ARNT2: variants seen among roughly 807,000 people sequenced by gnomAD.
The protein encoded by ARNT2 is ARNT protein 2.
A neutral mutation model predicts 91.7 loss-of-function variants in ARNT2; 36 were observed. That is an observed-to-expected ratio of 0.39 (90% confidence interval 0.30 to 0.52). ARNT2 has a LOEUF of 0.52. Ranked by LOEUF, ARNT2 falls within the 20% of genes least tolerant of loss-of-function variation. ARNT2 has a pLI of 0.72. For synonymous variants in ARNT2, 365 were observed against 347.1 expected (o/e 1.05, Z -0.57); for missense variants, 775 against 939.3 (o/e 0.83, Z 2.29).
rs190390266 is a variant in ARNT2 at position 80,411,927 on chromosome 15, A to G, written c.31+7381A>G. On this transcript the variant is annotated intron_variant, in intron 1 of 18. Transcript: ENST00000303329. The stretch of plus-strand genomic sequence containing the variant: ...CTCAGAAGGGAAGTGGGATCCTCCC[A>G]TTTACTGCCTTCTGTGTTGTGTGTG... Among the ~76,000 whole-genome samples the G allele has an allele frequency of 2.0e-5, 3 of 152,346 alleles. No homozygotes were observed. The East Asian group carries it at 5.8e-4, about 29-fold the overall frequency.
At chr15:80,471,993 T>A (rs1896738404) in intron 4 of ARNT2, among the ~76,000 whole-genome samples, 1 of 152,198 alleles carries the variant, frequency 6.6e-6, no homozygotes, top group Non-Finnish European at 1.5e-5. Flanking sequence ...ACTCTAAGCT[T>A]CAGTGTGCTC....
intron 1 of ARNT2, among the ~76,000 whole-genome samples, chr15:80,448,888 G>A (rs1896344813): frequency 6.6e-6 from 1 of 152,192 alleles, no homozygotes; most frequent in South Asian, 2.1e-4. Flanking sequence ...GGGAGGCTGA[G>A]GCAGGAGAAT....
At chr15:80,445,679 G>C (rs1406414859) in intron 1 of ARNT2, among the ~76,000 whole-genome samples, 1 of 151,954 alleles carries the variant, frequency 6.6e-6, no homozygotes, top group East Asian at 1.9e-4. Flanking sequence ...CCCGAGTGGG[G>C]TCTGCACTCC....
chr15:80,421,095 C>A (rs1895854284), intron 1 of ARNT2, among the ~76,000 whole-genome samples: 1 of 152,096 alleles, frequency 6.6e-6, no homozygotes, highest in Non-Finnish European at 1.5e-5. Context: ...AAAATAATGC[C>A]TTTTGGAGCA....
intron 12 of ARNT2, among the ~76,000 whole-genome samples, chr15:80,572,969 T>A (rs1020443319): frequency 6.6e-6 from 1 of 152,240 alleles, no homozygotes; most frequent in East Asian, 1.9e-4. Flanking sequence ...TACAGCCAAC[T>A]TTGCATGGGT....
chr15:80,506,187 C>T (rs1279631428), intron 5 of ARNT2, among the ~76,000 whole-genome samples: 8 of 152,146 alleles, frequency 5.3e-5, no homozygotes, highest in African/African-American at 1.7e-4. Flanking sequence ...CCACCCGCCT[C>T]GGCCTCCCAA....
At chr15:80,557,919 C>G (rs562915784) in intron 11 of ARNT2, among the ~76,000 whole-genome samples, 2 of 152,340 alleles carry the variant, frequency 1.3e-5, no homozygotes, top group East Asian at 3.9e-4. Context: ...AACATGCCAA[C>G]AGGGCATTTA....
chr15:80,472,705 T>G (rs574308531), intron 4 of ARNT2, among the ~76,000 whole-genome samples: 1 of 152,190 alleles, frequency 6.6e-6, no homozygotes, highest in South Asian at 2.1e-4. Context: ...TCTGTAAAAA[T>G]AAATGCAGTG....
intron 5 of ARNT2, among the ~76,000 whole-genome samples, chr15:80,483,250 T>G (rs1438890845): frequency 6.6e-6 from 1 of 152,218 alleles, no homozygotes; most frequent in Non-Finnish European, 1.5e-5. Context: ...CTTATATACT[T>G]CGATGCACAT....
chr15:80,580,458 C>T lies in ARNT2; in HGVS notation c.1661C>T (p.Ser554Phe). 1 of 1,614,170 alleles carries T rather than the reference C, an allele frequency of 6.2e-7. No homozygotes were observed. The highest frequency in any genetic ancestry group is 8.5e-7 in the Non-Finnish European group (1 of 1,180,028). ...GGAGTGAATGATATTCAGTCCTCTT[C>T]TTCCACGGGCCAGAACATGTCCCAA... ...VPGVNDIQSS[S>F]STGQNMSQIS... Residue 554 changes from serine (S) to phenylalanine (F), a missense_variant, in exon 16 of 19, where the codon TCT (serine) becomes TTT (phenylalanine). By Grantham distance (155) the Ser-to-Phe change is radical. Transcript: ENST00000303329.
chr15:80,510,442 TA>T (rs1184174736), intron 6 of ARNT2, among the ~76,000 whole-genome samples: 7 of 150,528 alleles, frequency 4.7e-5, no homozygotes, highest in Non-Finnish European at 8.9e-5. Flanking sequence ...CAATCATATA[TA>T]AAAAAAAAGC....
At chr15:80,546,962 C>G (rs1566998090) in intron 8 of ARNT2, among the ~76,000 whole-genome samples, 14 of 133,898 alleles carry the variant, frequency 1.0e-4, no homozygotes, top group Non-Finnish European at 1.6e-5. Context: ...AACTCCATCT[C>G]AAAAAAAAAA....
intron 3 of ARNT2, among the ~76,000 whole-genome samples, chr15:80,463,043 G>T (rs548795512): frequency 7.2e-5 from 11 of 152,178 alleles, no homozygotes; most frequent in Admixed American, 7.2e-4. Context: ...CAAGGTAGAC[G>T]TGTCCTGCAG....
Position 80,475,100 on chromosome 15 carries a change from G to A in ARNT2, c.499G>A (p.Val167Ile), listed in dbSNP as rs200952843. Residue 167 changes from valine (V) to isoleucine (I), a missense_variant, in exon 5 of 19, where the codon GTC (valine) becomes ATC (isoleucine). By Grantham distance (29) the Val-to-Ile change is conservative. Coordinates refer to ENST00000303329, the MANE Select transcript of ARNT2 (RefSeq NM_014862.4). ...GCGAGTGATTTATGTGTCTGACTCC[G>A]TCACCCCTGTTCTGAACCAGCCCCA... ...TGRVIYVSDS[V>I]TPVLNQPQSE... The A allele has an allele frequency of 1.4e-4, 226 of 1,614,032 alleles. No homozygotes were observed. The highest frequency in any genetic ancestry group is 5.3e-4 in the East Asian group (24 of 44,880).
intron 3 of ARNT2, among the ~76,000 whole-genome samples, chr15:80,458,736 A>G (rs1446880597): frequency 7.9e-5 from 12 of 151,810 alleles, no homozygotes; most frequent in African/African-American, 2.9e-4. Context: ...GGCACAAATC[A>G]TTCCATCATT....
Position 80,595,314 on chromosome 15 carries a change from A to C in ARNT2, c.*1616A>C, listed in dbSNP as rs1893358200. The C allele has an allele frequency of 6.6e-6, 1 of 152,276 alleles. No individual in the cohort carries two copies. Among genetic ancestry groups the C allele is most frequent in the African/African-American group, 2.4e-5 (1 of 41,456 alleles). 9.4% of individuals were successfully genotyped at this position (152,276 alleles called of 1,614,324 possible). ...GGGAAAGCCCTTGTGTCCCTCCCAG[A>C]GTCCTTCAGGTAGGCCCTCGCAGAT... is the stretch of plus-strand genomic sequence containing the variant. On this transcript the variant is annotated 3_prime_UTR_variant, in exon 19 of 19. Coordinates refer to ENST00000303329, the MANE Select transcript of ARNT2 (RefSeq NM_014862.4).
At chr15:80,584,549 T>C (rs1768825116) in intron 17 of ARNT2, among the ~76,000 whole-genome samples, 1 of 151,896 alleles carries the variant, frequency 6.6e-6, no homozygotes, top group African/African-American at 2.4e-5. Context: ...CAGGTAAGAA[T>C]CGGTGAGTGG....
intron 11 of ARNT2, chr15:80,555,908 T>G (rs1596011101): frequency 1.3e-5 from 2 of 152,264 alleles, no homozygotes; most frequent in South Asian, 4.1e-4. Context: ...GAGGTTGCAG[T>G]GAGTGAAGAT....
chr15:80,427,424 A>G (rs1895949296), intron 1 of ARNT2, among the ~76,000 whole-genome samples: 1 of 152,186 alleles, frequency 6.6e-6, no homozygotes. Flanking sequence ...TACCTAATAT[A>G]CAAGAGATGT....
Sources: allele counts gnomAD v4.1 joint callset (sites outside exome capture counted in the v4.1 genomes callset), GRCh38; gene constraint gnomAD v4.1.1; transcripts MANE v1.5; gene names NCBI Gene and HGNC (gene_info 2026-07-23, HGNC 2026-07-21).